Variants in PDIK1L observed in about 807,000 individuals in gnomAD.
PDIK1L encodes serine/threonine-protein kinase PDIK1L.
A neutral mutation model predicts 27.1 loss-of-function variants in PDIK1L; 9 were observed. The observed-to-expected ratio is 0.33, with a 90% confidence interval of 0.20 to 0.58. The LOEUF (loss-of-function observed/expected upper bound fraction) is 0.58, where lower values mean the gene tolerates loss of function less well. Among genes scored for constraint, PDIK1L ranks in the 20% least tolerant of loss-of-function variants. PDIK1L has a pLI of 0.86. For synonymous variants in PDIK1L, 130 were observed against 141.7 expected (o/e 0.92, Z 0.59); for missense variants, 216 against 413.2 (o/e 0.52, Z 4.14).
At chr1:26,116,526 GAAAAC>G (rs944792755) in intron 2 of PDIK1L, among the ~76,000 whole-genome samples, 1 of 152,086 alleles carries the variant, frequency 6.6e-6, no homozygotes, top group African/African-American at 2.4e-5. Context: ...AAACAAAAAA[GAAAAC>G]AAAACCTCTG....
chr1:26,122,801 GATT>G lies in PDIK1L; in HGVS notation c.*228_*230del. The G allele has an allele frequency of 2.6e-6, 1 of 384,848 alleles. No homozygotes were observed. Among genetic ancestry groups the G allele is most frequent in the Non-Finnish European group, 4.4e-6 (1 of 226,222 alleles). 23.8% of individuals were successfully genotyped at this position (384,848 alleles called of 1,614,324 possible). ...ATGTGGGTGTAAATTTTTAAAAAAT[GATT>G]ATTGATAGAAGTTTGGCAGGAAAAT... On this transcript the variant is annotated 3_prime_UTR_variant, in exon 3 of 3. Transcript: ENST00000374269. The surrounding 1 kb of genome is among the most constrained non-coding windows in gnomAD (Gnocchi z 5.4).
intron 2 of PDIK1L, among the ~76,000 whole-genome samples, chr1:26,118,421 G>A (rs1018535307): frequency 6.6e-6 from 1 of 152,160 alleles, no homozygotes; most frequent in African/African-American, 2.4e-5. Flanking sequence ...AAGATGTAAA[G>A]GCCTACCAGA....
intron 2 of PDIK1L, among the ~76,000 whole-genome samples, chr1:26,120,371 T>G (rs2087958228): frequency 6.6e-6 from 1 of 151,036 alleles, no homozygotes; most frequent in South Asian, 2.1e-4. Flanking sequence ...TGGTAAATAA[T>G]TATGTGATCT....
Position 26,114,340 on chromosome 1 carries a change from T to C in PDIK1L, c.32T>C (p.Ile11Thr), listed in dbSNP as rs751804809. MVSSQPKYDL[I>T]REVGRGSYGV... Reference sequence around the variant, plus strand: ...AGTAGCCAGCCAAAGTACGATCTAATACGGGAGGTAGGCCGAGGTAGTTAC... The same window carrying C: ...AGTAGCCAGCCAAAGTACGATCTAACACGGGAGGTAGGCCGAGGTAGTTAC... The change falls in exon 2 of 3, where the codon ATA becomes ACA. Residue 11 changes from isoleucine (I) to threonine (T), a missense_variant. Ile to Thr is a moderately conservative substitution (Grantham distance 89). This residue lies in a region of PDIK1L where 47 missense variants were observed against 47.2 expected (regional missense o/e 1.00). Transcript: ENST00000374269. This position sits in a 1 kb window ranked among gnomAD's most constrained non-coding sequence, Gnocchi z 4.8. 2 of 1,614,004 alleles carry C rather than the reference T, an allele frequency of 1.2e-6. No homozygotes were observed. Among genetic ancestry groups the C allele is most frequent in the East Asian group, 4.5e-5 (2 of 44,878 alleles).
intron 2 of PDIK1L, among the ~76,000 whole-genome samples, chr1:26,119,250 G>C (rs2087933042): frequency 6.6e-6 from 1 of 151,924 alleles, no homozygotes; most frequent in Non-Finnish European, 1.5e-5. Context: ...AATACAAAAA[G>C]TTTAAAAATT....
Position 26,124,641 on chromosome 1 carries a change from A to G in PDIK1L, c.*2064A>G. 6.6e-6 allele frequency: 1 copy of G among 152,154 alleles called. No homozygotes were observed. Among genetic ancestry groups the G allele is most frequent in the Non-Finnish European group, 1.5e-5 (1 of 68,016 alleles). 9.4% of individuals were successfully genotyped at this position (152,154 alleles called of 1,614,324 possible). A position where few individuals can be genotyped will look rare whatever the true frequency, so the allele number is the denominator to read the frequency against. The stretch of plus-strand genomic sequence containing the variant: ...TAGTTAATGATTATCATTTACTTGG[A>G]AAGATTTTACCTGTGAAGTGAAATT... On this transcript the variant is annotated 3_prime_UTR_variant, in exon 3 of 3. Transcript: ENST00000374269.
At chr1:26,119,592 G>A (rs560530571) in intron 2 of PDIK1L, among the ~76,000 whole-genome samples, 1 of 152,348 alleles carries the variant, frequency 6.6e-6, no homozygotes, top group Non-Finnish European at 1.5e-5. Context: ...GCTGGGCGCA[G>A]TGGCTCACAC....
intron 2 of PDIK1L, among the ~76,000 whole-genome samples, chr1:26,120,270 G>A (rs1340695614): frequency 1.3e-5 from 2 of 152,146 alleles, no homozygotes; most frequent in Non-Finnish European, 2.9e-5. Context: ...TTCTTTGAAC[G>A]CTGGGACTCT....
In PDIK1L at chr1:26,122,767, G is replaced by A. The variant is rs1455784064; in HGVS notation, c.*190G>A. ...CGTTTTATTAGTATGTTTCAAATGT[G>A]TATTACCAATGTGGGTGTAAATTTT... is the stretch of plus-strand genomic sequence containing the variant. On this transcript the variant is annotated 3_prime_UTR_variant, in exon 3 of 3. Transcript: ENST00000374269. This position sits in a 1 kb window ranked among gnomAD's most constrained non-coding sequence, Gnocchi z 5.4. The A allele has an allele frequency of 1.8e-6, 1 of 564,408 alleles. No homozygotes were observed. The highest frequency in any genetic ancestry group is 2.8e-6 in the Non-Finnish European group (1 of 362,240). The allele number at this position is 564,408 out of a possible 1,614,324, so 35.0% of individuals were successfully genotyped here. A position where few individuals can be genotyped will look rare whatever the true frequency, so the allele number is the denominator to read the frequency against.
chr1:26,118,829 G>T (rs368597101), intron 2 of PDIK1L, among the ~76,000 whole-genome samples: 6 of 152,272 alleles, frequency 3.9e-5, no homozygotes, highest in African/African-American at 1.4e-4. Flanking sequence ...AAACAAATCT[G>T]TAGTATGACC....
chr1:26,113,384 C>A (rs1392607233), intron 1 of PDIK1L, among the ~76,000 whole-genome samples: 1 of 150,568 alleles, frequency 6.6e-6, no homozygotes, highest in Non-Finnish European at 1.5e-5. Context: ...CCCAGCTACT[C>A]GGGAGGCTGA....
rs1288175085 is a variant in PDIK1L at position 26,123,173 on chromosome 1, G to A, written c.*596G>A. ...CCTCCCCCTAATGAAATCATATTAA[G>A]TTGTTTTTTTTTTTTTTTGTAATAT... On this transcript the variant is annotated 3_prime_UTR_variant, in exon 3 of 3. Transcript: ENST00000374269. 5 of 144,884 alleles carry A rather than the reference G, an allele frequency of 3.5e-5. No individual in the cohort carries two copies. Among genetic ancestry groups the A allele is most frequent in the Non-Finnish European group, 7.6e-5 (5 of 66,100 alleles). 9.0% of individuals were successfully genotyped at this position (144,884 alleles called of 1,614,324 possible).
At chr1:26,113,930 T>C (rs1330105112) in intron 1 of PDIK1L, among the ~76,000 whole-genome samples, 3 of 152,222 alleles carry the variant, frequency 2.0e-5, no homozygotes, top group African/African-American at 7.2e-5. Context: ...CTGAGGCAGA[T>C]GGCCGGGTTT....
At chr1:26,120,074 G>A (rs17184884) in intron 2 of PDIK1L, among the ~76,000 whole-genome samples, 25,170 of 152,230 alleles carry the variant, frequency 0.17, 2,258 homozygotes, top group Middle Eastern at 0.23. Context: ...ATTGGGTGCT[G>A]CATTTCCATA....
chr1:26,121,691 A>G, intron 2 of PDIK1L, 146 bp from the exon 3 acceptor site: 2 of 834,108 alleles, frequency 2.4e-6, no homozygotes, highest in Admixed American at 3.4e-5. Context: ...TTTAAAATGC[A>G]TATTTGAAAG....
At chr1:26,115,799 C>CAA (rs57299354) in intron 2 of PDIK1L, among the ~76,000 whole-genome samples, 8 of 120,050 alleles carry the variant, frequency 6.7e-5, no homozygotes, top group African/African-American at 6.1e-5. Flanking sequence ...GAGACTCCGT[C>CAA]AAAAAAAAAA....
At position 26,120,140 on chromosome 1, in the gene PDIK1L, G is replaced by C. The variant is rs1307416981; in HGVS notation, c.286-1697G>C. 3.3e-5 allele frequency among the ~76,000 whole-genome samples: 5 copies of C among 152,272 alleles called. No homozygotes were observed. The East Asian group carries it at 7.7e-4, about 23-fold the overall frequency. On this transcript the variant is annotated intron_variant, in intron 2 of 2. Transcript: ENST00000374269. ...TCGTATGGTTTCGATGCTAAAAATA[G>C]TTCTTAGATTTTTTTTTAAGACTTC...
chr1:26,122,236 G>C lies in PDIK1L; in HGVS notation c.685G>C (p.Val229Leu). The C allele has an allele frequency of 6.2e-7, 1 of 1,614,226 alleles. No individual in the cohort carries two copies. Among genetic ancestry groups the C allele is most frequent in the Non-Finnish European group, 8.5e-7 (1 of 1,180,042 alleles). ...CGTDFYMAPE[V>L]WEGHYTAKAD... ...AACAGATTTTTACATGGCTCCTGAAGTTTGGGAAGGACATTACACAGCAAA... is the reference window on the plus strand; with the variant it reads ...AACAGATTTTTACATGGCTCCTGAACTTTGGGAAGGACATTACACAGCAAA... Residue 229 changes from valine to leucine, a missense_variant, in exon 3 of 3, where the codon GTT (valine) becomes CTT (leucine). Around this residue, in one of 2 missense-constraint regions of PDIK1L, gnomAD observed 169 missense variants for 366.0 expected, o/e 0.46. Transcript: ENST00000374269. The surrounding 1 kb of genome is among the most constrained non-coding windows in gnomAD (Gnocchi z 5.4).
In PDIK1L at chr1:26,114,725, C is replaced by A; in HGVS notation, c.285+132C>A. 9.9e-7 allele frequency: 1 copy of A among 1,013,022 alleles called. No individual in the cohort carries two copies. Among genetic ancestry groups the A allele is most frequent in the Non-Finnish European group, 1.4e-6 (1 of 700,956 alleles). The allele number at this position is 1,013,022 out of a possible 1,614,324, so 62.8% of individuals were successfully genotyped here. On this transcript the variant is annotated intron_variant, in intron 2 of 2. Transcript: ENST00000374269. The surrounding 1 kb of genome is among the most constrained non-coding windows in gnomAD (Gnocchi z 4.8). ...GTAGTTAGAAGTAGATAAGTGTCTGCCAAGAATTGAGTAGATGTTTGCTTT... is the reference window on the plus strand; with the variant it reads ...GTAGTTAGAAGTAGATAAGTGTCTGACAAGAATTGAGTAGATGTTTGCTTT...
Sources: gnomAD v4.1 joint callset for allele counts (sites outside exome capture counted in the v4.1 genomes callset) on GRCh38, gnomAD v4.1.1 for gene constraint, gnomAD v4.1.1 regional missense constraint, Gnocchi (gnomAD v3.1) non-coding constraint, MANE v1.5 for transcripts, NCBI Gene and HGNC (gene_info 2026-07-23, HGNC 2026-07-21) for gene names.